Variants in RUBCNL observed in about 807,000 individuals in gnomAD.
RUBCNL encodes protein associated with UVRAG as autophagy enhancer.
Under a neutral mutation model 69.5 loss-of-function variants are expected in RUBCNL, and 62 were observed. That is an observed-to-expected ratio of 0.89 (90% confidence interval 0.73 to 1.10). The LOEUF is 1.10. Among genes scored for constraint, RUBCNL ranks in the 50% least tolerant of loss-of-function variants. The pLI, the probability that RUBCNL is intolerant of heterozygous loss-of-function variation, is 0.00. For synonymous variants in RUBCNL, 291 were observed against 303.6 expected (o/e 0.96, Z 0.43); for missense variants, 768 against 798.1 (o/e 0.96, Z 0.45).
rs1282245777 is a variant in RUBCNL at position 46,345,467 on chromosome 13, C to A, written c.1765G>T (p.Ala589Ser). ...LLKDILKASL[A>S]HVAGCELCQG... ...CTCACCTCACAGCCAGCCACATGTG[C>A]AAGGGAAGCTTTCAGAATGTCCTTG... is the stretch of plus-strand genomic sequence containing the variant. The change falls in exon 13 of 15, where the codon GCA becomes TCA. Residue 589 changes from alanine to serine, a missense_variant. By Grantham distance (99) the Ala-to-Ser change is moderately conservative. Transcript: ENST00000429979. 2 of 1,568,892 alleles carry A rather than the reference C, an allele frequency of 1.3e-6. No homozygotes were observed. Among genetic ancestry groups the A allele is most frequent in the Non-Finnish European group, 1.7e-6 (2 of 1,157,186 alleles).
rs1314246968 is a variant in RUBCNL at position 46,338,072 on chromosome 13, C to G, written c.*5313G>C. On this transcript the variant is annotated 3_prime_UTR_variant, in exon 15 of 15. Coordinates refer to ENST00000429979, the MANE Select transcript of RUBCNL (RefSeq NM_025113.5). Reference sequence around the variant, plus strand: ...AAGGAGAAGGGAGCATGTGTGTGCACGTGCAGTACGCTGAAGAATGGGCAA... The same window carrying G: ...AAGGAGAAGGGAGCATGTGTGTGCAGGTGCAGTACGCTGAAGAATGGGCAA... Among the ~76,000 whole-genome samples, 1 of 152,068 alleles carries G rather than the reference C, an allele frequency of 6.6e-6. No homozygotes were observed. Among genetic ancestry groups the G allele is most frequent in the Non-Finnish European group, 1.5e-5 (1 of 68,020 alleles).
chr13:46,344,968 C>T (rs2048213856), intron 13 of RUBCNL, 137 bp from the exon 14 acceptor site: 1 of 621,038 alleles, frequency 1.6e-6, no homozygotes, highest in Non-Finnish European at 2.8e-6. Flanking sequence ...TGTTGTTTTG[C>T]AGCAATGAAT....
chr13:46,337,087 T>G lies in RUBCNL; in HGVS notation c.*6298A>C, dbSNP rs2048109407. ...GTGAGGCCCTCACAAAGGGAATTAG[T>G]GCCCTTGTAAAACAGACCCCAGGGG... On this transcript the variant is annotated 3_prime_UTR_variant, in exon 15 of 15. Transcript: ENST00000429979. Among the ~76,000 whole-genome samples the G allele has an allele frequency of 6.6e-6, 1 of 151,712 alleles. No individual in the cohort carries two copies. The highest frequency in any genetic ancestry group is 1.5e-5 in the Non-Finnish European group (1 of 67,914).
chr13:46,361,454 G>C lies in RUBCNL; in HGVS notation c.1106C>G (p.Ala369Gly). Reference protein sequence around the residue: ...VNSQLAGSLSAAGSIVVNEEC... With the variant: ...VNSQLAGSLSGAGSIVVNEEC... ...TTTGATACTTACTATCGAGCCAGCT[G>C]CACTCAGGGAACCTGCCAGCTGAGA... Residue 369 changes from alanine to glycine, a missense_variant, in exon 8 of 15, where the codon GCA (alanine) becomes GGA (glycine). By Grantham distance (60) the Ala-to-Gly change is moderately conservative. Transcript: ENST00000429979. 1 of 1,613,832 alleles carries C rather than the reference G, an allele frequency of 6.2e-7. No homozygotes were observed. Among genetic ancestry groups the C allele is most frequent in the Non-Finnish European group, 8.5e-7 (1 of 1,179,800 alleles).
chr13:46,334,861 T>G lies in RUBCNL; in HGVS notation c.*8524A>C, dbSNP rs957449731. 5.9e-5 allele frequency among the ~76,000 whole-genome samples: 9 copies of G among 152,136 alleles called. No individual in the cohort carries two copies. Among genetic ancestry groups the G allele is most frequent in the African/African-American group, 2.2e-4 (9 of 41,424 alleles). On this transcript the variant is annotated 3_prime_UTR_variant, in exon 15 of 15. Coordinates refer to ENST00000429979, the MANE Select transcript of RUBCNL (RefSeq NM_025113.5). The stretch of plus-strand genomic sequence containing the variant: ...AGCAACTTATCACAAATCACAGGAC[T>G]AGAAGTGAAAGGATCCAAGTGCTTC...
intron 1 of RUBCNL, chr13:46,385,194 A>G (rs188471829): frequency 1.4e-6 from 1 of 706,674 alleles, no homozygotes; most frequent in East Asian, 1.3e-4. Context: ...CTTTATTATC[A>G]CCATCATTAT....
chr13:46,343,433 G>A lies in RUBCNL; in HGVS notation c.1941C>T (p.Ile647=). ...TTTCCAGAAGTTTTCTCCTCGCTGT[G>A]ATCCTCGCACACCGGGGGCACTCGG... ...QSSECPRCAR[I]TARRKLLESV... The change falls in exon 15 of 15, where the codon ATC becomes ATT. Residue 647 remains isoleucine, a synonymous_variant. Transcript: ENST00000429979. 6.2e-7 allele frequency: 1 copy of A among 1,613,938 alleles called. No individual in the cohort carries two copies. The highest frequency in any genetic ancestry group is 8.5e-7 in the Non-Finnish European group (1 of 1,179,884).
chr13:46,389,108 A>C (rs533283633), upstream of RUBCNL, among the ~76,000 whole-genome samples: 11 of 152,336 alleles, frequency 7.2e-5, no homozygotes, highest in East Asian at 2.1e-3. The surrounding 1 kb of genome is among the most constrained non-coding windows in gnomAD (Gnocchi z 4.2). Context: ...ACATTTTTTG[A>C]GTATCGGCTA....
intron 13 of RUBCNL, among the ~76,000 whole-genome samples, chr13:46,345,154 C>T (rs2048217613): frequency 6.6e-6 from 1 of 152,158 alleles, no homozygotes; most frequent in South Asian, 2.1e-4. Context: ...CCTCCTGTTC[C>T]ATTGAATCCT....
chr13:46,353,432 A>G (rs1239122963), intron 10 of RUBCNL, among the ~76,000 whole-genome samples: 15 of 152,190 alleles, frequency 9.9e-5, no homozygotes. Flanking sequence ...TTATACTATC[A>G]ATACAGAATA....
At chr13:46,344,934 T>C (rs548624675) in intron 13 of RUBCNL, 103 bp from the exon 14 acceptor site, 1 of 721,004 alleles carries the variant, frequency 1.4e-6, no homozygotes, top group Admixed American at 2.5e-5. Context: ...GTGTCTATGA[T>C]TCCAGCCTCT....
intron 1 of RUBCNL, among the ~76,000 whole-genome samples, chr13:46,383,261 A>C (rs1386517101): frequency 6.6e-6 from 1 of 152,208 alleles, no homozygotes; most frequent in East Asian, 1.9e-4. Context: ...CTTATCTGCT[A>C]CCTGGACACC....
At chr13:46,355,083 G>A (rs1288806768) in intron 10 of RUBCNL, among the ~76,000 whole-genome samples, 1 of 152,170 alleles carries the variant, frequency 6.6e-6, no homozygotes, top group Admixed American at 6.5e-5. Context: ...AGCCCAGATC[G>A]ATTCCTGCTT....
chr13:46,346,614 T>G (rs2048251709), intron 12 of RUBCNL, among the ~76,000 whole-genome samples: 1 of 152,094 alleles, frequency 6.6e-6, no homozygotes. Context: ...TGTTCTATGT[T>G]GTGGATGAAA....
At chr13:46,364,537 A>G (rs2048706146) in intron 5 of RUBCNL, among the ~76,000 whole-genome samples, 1 of 152,026 alleles carries the variant, frequency 6.6e-6, no homozygotes, top group African/African-American at 2.4e-5. Context: ...AAGAGCACCC[A>G]TCTGTGTTTT....
At chr13:46,364,391 C>T (rs1431230841) in intron 5 of RUBCNL, among the ~76,000 whole-genome samples, 1 of 136,288 alleles carries the variant, frequency 7.3e-6, no homozygotes, top group Admixed American at 7.3e-5. Context: ...AGACAGACTC[C>T]ATCTCAAAAA....
chr13:46,360,028 T>C (rs1372492180), intron 8 of RUBCNL, among the ~76,000 whole-genome samples: 2 of 152,144 alleles, frequency 1.3e-5, no homozygotes, highest in Non-Finnish European at 2.9e-5. Flanking sequence ...TTAAGACCTT[T>C]CCCCTTGCTT....
intron 1 of RUBCNL, among the ~76,000 whole-genome samples, chr13:46,385,679 A>C (rs1311971231): frequency 6.6e-6 from 1 of 151,890 alleles, no homozygotes; most frequent in Non-Finnish European, 1.5e-5. Flanking sequence ...AAAAAAAAAA[A>C]AACCAACAAA....
chr13:46,336,181 T>C lies in RUBCNL; in HGVS notation c.*7204A>G, dbSNP rs912061897. Among the ~76,000 whole-genome samples, 3 of 152,122 alleles carry C rather than the reference T, an allele frequency of 2.0e-5. No homozygotes were observed. Among genetic ancestry groups the C allele is most frequent in the African/African-American group, 7.2e-5 (3 of 41,430 alleles). On this transcript the variant is annotated 3_prime_UTR_variant, in exon 15 of 15. Coordinates refer to ENST00000429979, the MANE Select transcript of RUBCNL (RefSeq NM_025113.5). ...TCTATCTGACAGCCGGCCCTGTTCT[T>C]TTTGGTTCACGTGGTCTTTAGTAAT... is the stretch of plus-strand genomic sequence containing the variant.
Sources: gnomAD v4.1 joint callset for allele counts (sites outside exome capture counted in the v4.1 genomes callset) on GRCh38, gnomAD v4.1.1 for gene constraint, Gnocchi (gnomAD v3.1) non-coding constraint, MANE v1.5 for transcripts, NCBI Gene and HGNC (gene_info 2026-07-23, HGNC 2026-07-21) for gene names.